OPCML: variants seen among roughly 807,000 people sequenced by gnomAD.
The protein encoded by OPCML is opioid-binding protein/cell adhesion molecule.
OPCML carries 13 observed loss-of-function variants against 37.8 expected under a neutral mutation model. The observed-to-expected ratio is 0.34, with a 90% CI of 0.22 to 0.55. The LOEUF is 0.55. Ranked by LOEUF, OPCML falls within the 20% of genes least tolerant of loss-of-function variation. The probability of loss-of-function intolerance (pLI) is 0.91; values close to 1 mark genes in which losing one functional copy is unlikely to be tolerated. For missense variants in OPCML, 341 were observed against 435.6 expected, an observed-to-expected ratio of 0.78 and a Z score of 1.93; for synonymous variants, 176 against 168.8, an observed-to-expected ratio of 1.04 and a Z score of -0.33.
intron 1 of OPCML, among the ~76,000 whole-genome samples, chr11:133,448,372 G>A (rs548238830): frequency 1.4e-4 from 21 of 152,192 alleles, no homozygotes; most frequent in African/African-American, 4.8e-4. Flanking sequence ...TTTTTTCCCC[G>A]AACATTCAAT....
intron 4 of OPCML, among the ~76,000 whole-genome samples, chr11:132,480,745 C>T (rs921155087): frequency 2.6e-5 from 4 of 152,102 alleles, no homozygotes; most frequent in Non-Finnish European, 5.9e-5. Context: ...ATTTTCAACC[C>T]AGAATTTCAT....
At chr11:133,180,521 G>C (rs767414310) in intron 1 of OPCML, among the ~76,000 whole-genome samples, 3 of 152,110 alleles carry the variant, frequency 2.0e-5, no homozygotes, top group Non-Finnish European at 2.9e-5. Context: ...AAGAGGATCT[G>C]CACAAGAATC....
At chr11:133,140,282 C>T (rs918276700) in intron 1 of OPCML, among the ~76,000 whole-genome samples, 26 of 147,430 alleles carry the variant, frequency 1.8e-4, no homozygotes, top group African/African-American at 4.2e-4. Context: ...GAGGCTGAGG[C>T]GGGCAGATCA....
At chr11:133,450,901 A>C (rs568939119) in intron 1 of OPCML, among the ~76,000 whole-genome samples, 2 of 151,956 alleles carry the variant, frequency 1.3e-5, no homozygotes, top group South Asian at 4.1e-4. Context: ...TAGACAGTGT[A>C]CATTCTGAAA....
intron 4 of OPCML, among the ~76,000 whole-genome samples, chr11:132,454,252 G>T (rs371516651): frequency 1.5e-4 from 23 of 152,288 alleles, no homozygotes; most frequent in African/African-American, 5.1e-4. Context: ...AGCTTTCGTT[G>T]CTAGTTTTAC....
At chr11:132,558,385 C>T (rs1015991374) in intron 3 of OPCML, among the ~76,000 whole-genome samples, 2 of 9,188 alleles carry the variant, frequency 2.2e-4, no homozygotes, top group Admixed American at 1.2e-3. Flanking sequence ...TTCCCCTCCT[C>T]CCCTCTCCCC....
intron 2 of OPCML, among the ~76,000 whole-genome samples, chr11:132,885,528 G>T (rs1943376273): frequency 6.6e-6 from 1 of 152,112 alleles, no homozygotes; most frequent in Non-Finnish European, 1.5e-5. Flanking sequence ...TGACATCATA[G>T]TTTATATTAT....
At chr11:133,080,218 A>C (rs1281972320) in intron 1 of OPCML, among the ~76,000 whole-genome samples, 1 of 152,148 alleles carries the variant, frequency 6.6e-6, no homozygotes. Flanking sequence ...GCGGGACTGT[A>C]GGATGGTAAC....
rs184967215 is a variant in OPCML, at chr11:132,579,972, G to A, written c.380-50786C>T. Among the ~76,000 whole-genome samples, 81 of 152,314 alleles carry A rather than the reference G, an allele frequency of 5.3e-4. 1 individual carries two copies. The highest frequency in any genetic ancestry group is 1.9e-3 in the African/African-American group (78 of 41,566). On this transcript the variant is annotated intron_variant, in intron 3 of 7. Coordinates refer to ENST00000524381, the MANE Select transcript of OPCML (RefSeq NM_001012393.5). ...TAGAGCTTTACGCCTTCCCTGGTAT[G>A]AGTTCTCATCAAGGGCAGGCTCTGG...
At chr11:133,454,573 TTTTC>T (rs1946639464) in intron 1 of OPCML, among the ~76,000 whole-genome samples, 1 of 152,210 alleles carries the variant, frequency 6.6e-6, no homozygotes, top group East Asian at 1.9e-4. Flanking sequence ...AATTCAAGTA[TTTTC>T]TGATCTATGC....
chr11:132,900,201 G>C (rs1175398833), intron 2 of OPCML, among the ~76,000 whole-genome samples: 1 of 152,064 alleles, frequency 6.6e-6, no homozygotes, highest in Non-Finnish European at 1.5e-5. Context: ...CTTATTATAG[G>C]CTCATAATGG....
intron 1 of OPCML, among the ~76,000 whole-genome samples, chr11:133,040,047 G>T (rs1350565285): frequency 1.3e-5 from 2 of 151,554 alleles, no homozygotes; most frequent in Non-Finnish European, 2.9e-5. Context: ...AAAGATGGGG[G>T]ATGGCAGACC....
rs1259856442 is a variant in OPCML at position 132,937,596 on chromosome 11, GTGTGTGT to G, written c.146+5323_146+5329del. Reference sequence around the variant, plus strand: ...GTGTGGTGTGTGTGGCGTGTGTGGGGTGTGTGTGTGTGTGTGTGTGTGTGTGTGTGTG... The same window carrying G: ...GTGTGGTGTGTGTGGCGTGTGTGGGGGTGTGTGTGTGTGTGTGTGTGTGTG... On this transcript the variant is annotated intron_variant, in intron 2 of 7. Transcript: ENST00000524381. 8.4e-4 allele frequency among the ~76,000 whole-genome samples: 72 copies of G among 85,684 alleles called. 1 individual carries two copies. Among genetic ancestry groups the G allele is most frequent in the African/African-American group, 2.8e-3 (56 of 19,870 alleles). The allele number at this position is 85,684 out of a possible 152,430, so 56.2% of individuals were successfully genotyped here. A position where few individuals can be genotyped will look rare whatever the true frequency, so the allele number is the denominator to read the frequency against.
intron 1 of OPCML, chr11:133,419,333 G>A: frequency 1.0e-6 from 1 of 985,378 alleles, no homozygotes; most frequent in Non-Finnish European, 1.2e-6. Context: ...TGAATCTCAG[G>A]TTAAGTCACT....
At position 133,253,813 on chromosome 11, in the gene OPCML, TCCTTCCCTTCCCTTCCATTC is replaced by T. The variant is rs1229428221; in HGVS notation, c.61+278431_61+278450del. Among the ~76,000 whole-genome samples, 827 of 136,688 alleles carry T rather than the reference TCCTTCCCTTCCCTTCCATTC, an allele frequency of 6.1e-3. 15 individuals carry two copies. The highest frequency in any genetic ancestry group is 0.022 in the African/African-American group (797 of 35,460). The allele number at this position is 136,688 out of a possible 152,430, so 89.7% of individuals were successfully genotyped here. ...TAAAGTTTCTTTTTTCCTTTTTCCC[TCCTTCCCTTCCCTTCCATTC>T]CCTTCCCTTCCCTTCCCTTCCCTTC... is the stretch of plus-strand genomic sequence containing the variant. On this transcript the variant is annotated intron_variant, in intron 1 of 7. Transcript: ENST00000524381.
intron 1 of OPCML, among the ~76,000 whole-genome samples, chr11:133,413,428 T>C (rs999168100): frequency 6.6e-6 from 1 of 151,722 alleles, no homozygotes; most frequent in Non-Finnish European, 1.5e-5. Flanking sequence ...TGTATACATA[T>C]GTAACTAACC....
chr11:132,795,115 G>C lies in OPCML; in HGVS notation c.147-137796C>G, dbSNP rs181890727. Reference sequence around the variant, plus strand: ...ATATACGTATACACACACACACACAGACACACACACACACACATTCAAAGA... The same window carrying C: ...ATATACGTATACACACACACACACACACACACACACACACACATTCAAAGA... On this transcript the variant is annotated intron_variant, in intron 2 of 7. Transcript: ENST00000524381. Among the ~76,000 whole-genome samples, 419 of 150,236 alleles carry C rather than the reference G, an allele frequency of 2.8e-3. 3 individuals are homozygous for C. Among genetic ancestry groups the C allele is most frequent in the African/African-American group, 9.7e-3 (397 of 40,870 alleles).
intron 2 of OPCML, among the ~76,000 whole-genome samples, chr11:132,820,587 G>A (rs895010283): frequency 9.9e-5 from 15 of 152,154 alleles, no homozygotes; most frequent in Admixed American, 9.2e-4. Context: ...CCCTCATTCA[G>A]GGAGAAGATG....
Position 133,422,395 on chromosome 11 carries a change from G to GTATATATATATATATATATATA in OPCML, c.61+109868_61+109869insTATATATATATATATATATATA, listed in dbSNP as rs1592283188. 2.5e-6 allele frequency: 2 copies of GTATATATATATATATATATATA among 788,802 alleles called. 1 individual carries two copies. Among genetic ancestry groups the GTATATATATATATATATATATA allele is most frequent in the African/African-American group, 6.2e-5 (2 of 32,396 alleles). 48.9% of individuals were successfully genotyped at this position (788,802 alleles called of 1,614,324 possible). On this transcript the variant is annotated intron_variant, in intron 1 of 7. Transcript: ENST00000524381. Reference sequence around the variant, plus strand: ...AAAGACATTATATATATATATATATGTATATATGCGCCAGTTCAAACCCTT... The same window carrying GTATATATATATATATATATATA: ...AAAGACATTATATATATATATATATGTATATATATATATATATATATATATATATGCGCCAGTTCAAACCCTT...
Sources: gnomAD v4.1 joint callset for allele counts (sites outside exome capture counted in the v4.1 genomes callset) on GRCh38, gnomAD v4.1.1 for gene constraint, MANE v1.5 for transcripts, NCBI Gene and HGNC (gene_info 2026-07-23, HGNC 2026-07-21) for gene names.